Variants in ETV1 observed in about 807,000 individuals in gnomAD.
The protein encoded by ETV1 is ETS translocation variant 1.
Under a neutral mutation model 62.3 loss-of-function variants are expected in ETV1, and 27 were observed. That is an observed-to-expected ratio of 0.43 (90% CI 0.32 to 0.60). ETV1 has a LOEUF of 0.60. Among genes scored for constraint, ETV1 ranks in the 20% least tolerant of loss-of-function variants. ETV1 has a pLI of 0.06. For synonymous variants in ETV1, 222 were observed against 199.6 expected (o/e 1.11, Z -0.94); for missense variants, 605 against 605.8 (o/e 1.00, Z 0.01).
chr7:13,940,596 G>A (rs755945086), intron 6 of ETV1, among the ~76,000 whole-genome samples: 8 of 152,082 alleles, frequency 5.3e-5, no homozygotes, highest in Non-Finnish European at 7.4e-5. Context: ...AGAGACACAC[G>A]TTCTGGAGAT....
At chr7:13,980,113 A>G (rs1781837924) in intron 5 of ETV1, among the ~76,000 whole-genome samples, 1 of 152,194 alleles carries the variant, frequency 6.6e-6, no homozygotes, top group South Asian at 2.1e-4. Flanking sequence ...ATTCCTGAAC[A>G]TATTACAGAA....
intron 6 of ETV1, among the ~76,000 whole-genome samples, chr7:13,949,042 A>C (rs2128469904): frequency 6.6e-6 from 1 of 152,322 alleles, no homozygotes; most frequent in East Asian, 1.9e-4. Flanking sequence ...CAGGGTGATG[A>C]TGTATAACAT....
chr7:13,916,043 T>G (rs1784120207), intron 9 of ETV1, among the ~76,000 whole-genome samples: 1 of 151,922 alleles, frequency 6.6e-6, no homozygotes, highest in African/African-American at 2.4e-5. Flanking sequence ...GTTACTGAAC[T>G]TCACATGAAT....
At chr7:13,913,282 T>C (rs1211590239) in intron 9 of ETV1, among the ~76,000 whole-genome samples, 1 of 152,250 alleles carries the variant, frequency 6.6e-6, no homozygotes, top group Non-Finnish European at 1.5e-5. Flanking sequence ...CACTGTCCTA[T>C]TATGCATCCA....
intron 6 of ETV1, among the ~76,000 whole-genome samples, chr7:13,942,577 T>A (rs1000852017): frequency 5.9e-5 from 9 of 152,134 alleles, no homozygotes; most frequent in Non-Finnish European, 1.3e-4. Context: ...CATCCTCAAG[T>A]AGCCCCCAGT....
At chr7:13,903,055 A>G (rs769441983) in intron 12 of ETV1, among the ~76,000 whole-genome samples, 61 of 152,178 alleles carry the variant, frequency 4.0e-4, no homozygotes, top group Non-Finnish European at 7.5e-4. Context: ...CCAACCACCA[A>G]CTAAGAAAGT....
intron 6 of ETV1, among the ~76,000 whole-genome samples, chr7:13,954,116 G>A (rs980816470): frequency 2.0e-5 from 3 of 151,958 alleles, no homozygotes; most frequent in African/African-American, 7.3e-5. Context: ...CTACTAAAAA[G>A]GCATTTCTAA....
chr7:13,988,594 TGA>T (rs1782768014), intron 3 of ETV1: 13 of 732,600 alleles, frequency 1.8e-5, no homozygotes, highest in Non-Finnish European at 2.0e-5. Flanking sequence ...AGTAGAGAAA[TGA>T]AAAAAAAAAA....
intron 9 of ETV1, among the ~76,000 whole-genome samples, chr7:13,923,111 T>A (rs1192530235): frequency 6.6e-6 from 1 of 152,184 alleles, no homozygotes; most frequent in African/African-American, 2.4e-5. Flanking sequence ...GCAAGTTTAG[T>A]CAGTTGATTG....
intron 13 of ETV1, among the ~76,000 whole-genome samples, chr7:13,898,739 T>C (rs1032477247): frequency 2.6e-5 from 4 of 152,324 alleles, no homozygotes; most frequent in Middle Eastern, 3.4e-3. Context: ...TTAAAATATA[T>C]AATTCAACAT....
At chr7:13,922,565 G>C (rs1247678458) in intron 9 of ETV1, among the ~76,000 whole-genome samples, 1 of 152,132 alleles carries the variant, frequency 6.6e-6, no homozygotes, top group Non-Finnish European at 1.5e-5. Context: ...GGGCAAGACA[G>C]CGAGACCCTA....
chr7:13,988,722 T>C, intron 3 of ETV1: 1 of 1,612,838 alleles, frequency 6.2e-7, no homozygotes, highest in Non-Finnish European at 8.5e-7. Context: ...CCAAAAACTT[T>C]GAGTGCAGCA....
intron 6 of ETV1, among the ~76,000 whole-genome samples, chr7:13,970,324 AC>A: frequency 1.4e-5 from 2 of 138,186 alleles, no homozygotes; most frequent in South Asian, 2.3e-4. Context: ...ACACACACAC[AC>A]AAAGCAGCAA....
At chr7:13,962,180 T>TACACACAC (rs113827897) in intron 6 of ETV1, among the ~76,000 whole-genome samples, 21 of 147,758 alleles carry the variant, frequency 1.4e-4, no homozygotes, top group African/African-American at 5.2e-4. Context: ...CAATGTTATG[T>TACACACAC]ACACACACAC....
At chr7:13,981,341 T>C (rs975268683) in intron 5 of ETV1, among the ~76,000 whole-genome samples, 1 of 152,188 alleles carries the variant, frequency 6.6e-6, no homozygotes, top group South Asian at 2.1e-4. Flanking sequence ...GTCCAGCATA[T>C]GAGCCATGTG....
chr7:13,902,105 C>T (rs568887881), intron 12 of ETV1, among the ~76,000 whole-genome samples: 4 of 152,222 alleles, frequency 2.6e-5, no homozygotes, highest in African/African-American at 7.2e-5. Flanking sequence ...GCAGCTGCCA[C>T]GCAAACCTAG....
intron 6 of ETV1, among the ~76,000 whole-genome samples, chr7:13,967,090 T>C (rs746267194): frequency 5.3e-5 from 8 of 152,194 alleles, no homozygotes; most frequent in African/African-American, 9.6e-5. Flanking sequence ...TTATTATTCA[T>C]ATTTAAAAAT....
intron 9 of ETV1, among the ~76,000 whole-genome samples, chr7:13,930,893 C>T (rs1321845772): frequency 2.0e-5 from 3 of 151,220 alleles, no homozygotes; most frequent in Admixed American, 1.3e-4. Context: ...CTCTGCCTCC[C>T]GGGTTCAAGC....
chr7:13,942,319 G>C (rs749616636), intron 6 of ETV1, among the ~76,000 whole-genome samples: 1 of 151,478 alleles, frequency 6.6e-6, no homozygotes, highest in East Asian at 1.9e-4. Context: ...CACCGTGCCC[G>C]GCCTCTTTTT....
Sources: gnomAD v4.1 joint callset for allele counts (sites outside exome capture counted in the v4.1 genomes callset) on GRCh38, gnomAD v4.1.1 for gene constraint, MANE v1.5 for transcripts, NCBI Gene and HGNC (gene_info 2026-07-23, HGNC 2026-07-21) for gene names.